VTI1B: variants seen among roughly 807,000 people sequenced by gnomAD.
The protein encoded by VTI1B is vesicle transport through interaction with t-SNAREs homolog 1B.
VTI1B carries 18 observed loss-of-function variants against 28.6 expected under a neutral mutation model. The ratio of observed to expected loss-of-function variants is 0.63; its 90% confidence interval spans 0.43 to 0.93. The LOEUF is 0.93. Among genes scored for constraint, VTI1B ranks in the 40% least tolerant of loss-of-function variants. VTI1B has a pLI of 0.00. For synonymous variants in VTI1B, 100 were observed against 107.9 expected, an observed-to-expected ratio of 0.93 and a Z score of 0.46; for missense variants, 283 against 297.0, an observed-to-expected ratio of 0.95 and a Z score of 0.35.
intron 3 of VTI1B, among the ~76,000 whole-genome samples, chr14:67,658,469 C>T (rs1471144379): frequency 2.0e-5 from 3 of 151,962 alleles, no homozygotes; most frequent in Admixed American, 6.6e-5. Flanking sequence ...TGGTGGTGGG[C>T]GCCTGTAGTC....
chr14:67,674,494 C>T lies in VTI1B; in HGVS notation c.-5G>A. Reference sequence around the variant, plus strand: ...GGAGGCGGCGGAGGAGGCCATGGCGCAGGCCGCGCTGGAGCAGCGGCCACC... The same window carrying T: ...GGAGGCGGCGGAGGAGGCCATGGCGTAGGCCGCGCTGGAGCAGCGGCCACC... On this transcript the variant is annotated 5_prime_UTR_variant, in exon 1 of 6. Transcript: ENST00000554659. 1.3e-6 allele frequency: 2 copies of T among 1,598,174 alleles called. No individual in the cohort carries two copies. The highest frequency in any genetic ancestry group is 1.1e-5 in the South Asian group (1 of 89,294).
Position 67,655,008 on chromosome 14 carries a change from GAC to G in VTI1B, c.540+1406_540+1407del, listed in dbSNP as rs2037236043. The stretch of plus-strand genomic sequence containing the variant: ...TGCGCCACTGCACTCCAGCCTGGGC[GAC>G]AGAGCAAGACTCCATCTCAAAAAAA... On this transcript the variant is annotated intron_variant, in intron 4 of 5. Transcript: ENST00000554659. Among the ~76,000 whole-genome samples the G allele has an allele frequency of 7.1e-5, 8 of 112,410 alleles. No individual in the cohort carries two copies. In the South Asian group the frequency reaches 1.8e-3, roughly 25 times the overall value. 73.7% of individuals were successfully genotyped at this position (112,410 alleles called of 152,430 possible). A position where few individuals can be genotyped will look rare whatever the true frequency, so the allele number is the denominator to read the frequency against.
intron 1 of VTI1B, among the ~76,000 whole-genome samples, chr14:67,670,212 C>T (rs2037449796): frequency 6.6e-6 from 1 of 152,228 alleles, no homozygotes. Flanking sequence ...TGCCCTCCTT[C>T]TAAAAGAAAA....
Position 67,651,133 on chromosome 14 carries a change from T to C in VTI1B, c.*252A>G. 1 of 903,640 alleles carries C rather than the reference T, an allele frequency of 1.1e-6. No homozygotes were observed. Among genetic ancestry groups the C allele is most frequent in the African/African-American group, 1.7e-5 (1 of 59,658 alleles). 56.0% of individuals were successfully genotyped at this position (903,640 alleles called of 1,614,324 possible). A position where few individuals can be genotyped will look rare whatever the true frequency, so the allele number is the denominator to read the frequency against. Reference sequence around the variant, plus strand: ...TGCAGTTCACAGGGTATTAATATGCTACAGTACTATGTAAATTTAAAGAAG... The same window carrying C: ...TGCAGTTCACAGGGTATTAATATGCCACAGTACTATGTAAATTTAAAGAAG... On this transcript the variant is annotated 3_prime_UTR_variant, in exon 6 of 6. Transcript: ENST00000554659.
chr14:67,661,087 C>G (rs1018325680), intron 2 of VTI1B, among the ~76,000 whole-genome samples: 2 of 152,004 alleles, frequency 1.3e-5, no homozygotes, highest in African/African-American at 4.8e-5. Context: ...TGATCTTCAA[C>G]AAGCAAGAAG....
chr14:67,650,638 C>T lies in VTI1B; in HGVS notation c.*747G>A. 7.3e-7 allele frequency: 1 copy of T among 1,371,466 alleles called. No homozygotes were observed. The highest frequency in any genetic ancestry group is 1.0e-6 in the Non-Finnish European group (1 of 962,682). The allele number at this position is 1,371,466 out of a possible 1,614,324, so 85.0% of individuals were successfully genotyped here. A position where few individuals can be genotyped will look rare whatever the true frequency, so the allele number is the denominator to read the frequency against. The stretch of plus-strand genomic sequence containing the variant: ...TCTTGTTTTTACTTTGGCTTGTTCT[C>T]CCTGTCCCAGTGGGATGACCCTCAC... On this transcript the variant is annotated 3_prime_UTR_variant, in exon 6 of 6. Transcript: ENST00000554659.
At chr14:67,655,321 T>G (rs1227549781) in intron 4 of VTI1B, among the ~76,000 whole-genome samples, 1 of 152,130 alleles carries the variant, frequency 6.6e-6, no homozygotes, top group Non-Finnish European at 1.5e-5. Flanking sequence ...AGCAAGACCC[T>G]GTCTCTAAAA....
intron 1 of VTI1B, among the ~76,000 whole-genome samples, chr14:67,666,827 T>C (rs143024710): frequency 8.7e-4 from 132 of 152,310 alleles, no homozygotes; most frequent in Non-Finnish European, 9.7e-4. Context: ...GGCTTTTCTG[T>C]ATATTAAACA....
Position 67,674,579 on chromosome 14 carries a change from A to G in VTI1B, c.-90T>C, listed in dbSNP as rs964094738. ...CGGTCAGCCGCCCAGCCCAGTGGCC[A>G]TAACGGCGACCGCCGCACCACCGCC... On this transcript the variant is annotated 5_prime_UTR_variant, in exon 1 of 6. It removes an upstream start codon present in the reference 5' UTR. Transcript: ENST00000554659. 8 of 1,124,132 alleles carry G rather than the reference A, an allele frequency of 7.1e-6. No individual in the cohort carries two copies. The highest frequency in any genetic ancestry group is 9.5e-6 in the Non-Finnish European group (8 of 844,480). 69.6% of individuals were successfully genotyped at this position (1,124,132 alleles called of 1,614,324 possible).
chr14:67,662,813 G>A (rs74408008), intron 1 of VTI1B, among the ~76,000 whole-genome samples: 12,703 of 147,760 alleles, frequency 0.086, 732 homozygotes, highest in East Asian at 0.24. Context: ...CAGAGGTAGA[G>A]AAATGCTTGA....
At position 67,651,470 on chromosome 14, in the gene VTI1B, T is replaced by C; in HGVS notation, c.614A>G (p.Asn205Ser). ...GATGATAATGGAAAGCAGCAGCTTG[T>C]TGGTTGTCACTCTACAAAGAGAAGC... ...LRSMSRKVTT[N>S]KLLLSIIILL... Residue 205 changes from asparagine to serine, a missense_variant, in exon 6 of 6, where the codon AAC (asparagine) becomes AGC (serine). By Grantham distance (46) the Asn-to-Ser change is conservative. Coordinates refer to ENST00000554659, the MANE Select transcript of VTI1B (RefSeq NM_006370.3). 1.2e-6 allele frequency: 2 copies of C among 1,613,808 alleles called. No homozygotes were observed. The highest frequency in any genetic ancestry group is 1.7e-6 in the Non-Finnish European group (2 of 1,179,732).
At chr14:67,652,973 G>A (rs1440293247) in intron 5 of VTI1B, among the ~76,000 whole-genome samples, 1 of 152,040 alleles carries the variant, frequency 6.6e-6, no homozygotes, top group Admixed American at 6.6e-5. Context: ...TGTATTTTTA[G>A]TAGAGACGGG....
At chr14:67,671,669 A>G (rs1461559208) in intron 1 of VTI1B, among the ~76,000 whole-genome samples, 5 of 152,252 alleles carry the variant, frequency 3.3e-5, no homozygotes. Flanking sequence ...AGAATAGCTG[A>G]GTCTGGGTAA....
chr14:67,648,326 C>T lies in VTI1B; in HGVS notation c.*3059G>A. 2 of 888,386 alleles carry T rather than the reference C, an allele frequency of 2.3e-6. No homozygotes were observed. The highest frequency in any genetic ancestry group is 3.3e-6 in the Non-Finnish European group (2 of 609,994). 55.0% of individuals were successfully genotyped at this position (888,386 alleles called of 1,614,324 possible). ...ACTTTTGTAGCTAAAAATTATATGG[C>T]CATGCTAATAAAAAGGATATAGTCC... On this transcript the variant is annotated 3_prime_UTR_variant, in exon 6 of 6. Transcript: ENST00000554659.
At chr14:67,673,306 TGCACTCCA>T (rs753681613) in intron 1 of VTI1B, among the ~76,000 whole-genome samples, 3 of 151,978 alleles carry the variant, frequency 2.0e-5, no homozygotes, top group Non-Finnish European at 4.4e-5. Flanking sequence ...ATCGTGCCAC[TGCACTCCA>T]GCCTGGGTGA....
At position 67,650,571 on chromosome 14, in the gene VTI1B, A is replaced by C; in HGVS notation, c.*814T>G. ...TTCATGGCCAAGAGGATGAGGTGCA[A>C]GGGGCTTCCTAAAAATAGGTATTTT... On this transcript the variant is annotated 3_prime_UTR_variant, in exon 6 of 6. Transcript: ENST00000554659. 2 of 681,818 alleles carry C rather than the reference A, an allele frequency of 2.9e-6. No individual in the cohort carries two copies. Among genetic ancestry groups the C allele is most frequent in the Non-Finnish European group, 5.1e-6 (2 of 390,270 alleles). The allele number at this position is 681,818 out of a possible 1,614,324, so 42.2% of individuals were successfully genotyped here.
In VTI1B at chr14:67,659,905, C is replaced by T; in HGVS notation, c.192G>A (p.Glu64=). Residue 64 remains glutamate (E), a synonymous_variant, in exon 3 of 6, where the codon GAG becomes GAA. Coordinates refer to ENST00000554659, the MANE Select transcript of VTI1B (RefSeq NM_006370.3). The stretch of plus-strand genomic sequence containing the variant: ...AAGACAGGGGTGCATAACGTAGCTC[C>T]TCCTCCATCTCTGCCAGCTGGGAAG... ...EANETLAEME[E]ELRYAPLSFR... is the part of the protein sequence containing the mutation. 1 of 1,613,376 alleles carries T rather than the reference C, an allele frequency of 6.2e-7. No homozygotes were observed. The highest frequency in any genetic ancestry group is 8.5e-7 in the Non-Finnish European group (1 of 1,179,614).
intron 4 of VTI1B, among the ~76,000 whole-genome samples, 182 bp downstream of exon 4, chr14:67,656,234 A>G (rs557814803): frequency 2.1e-4 from 32 of 149,494 alleles, no homozygotes; most frequent in African/African-American, 7.6e-4. Flanking sequence ...TGACACAGTG[A>G]GACTCTATCT....
chr14:67,664,946 A>G (rs574544481), intron 1 of VTI1B, among the ~76,000 whole-genome samples: 4 of 152,156 alleles, frequency 2.6e-5, no homozygotes, highest in Non-Finnish European at 5.9e-5. Flanking sequence ...AGCTCACTGC[A>G]AACTCCAACT....
Sources: allele counts gnomAD v4.1 joint callset (sites outside exome capture counted in the v4.1 genomes callset), GRCh38; gene constraint gnomAD v4.1.1; transcripts MANE v1.5; gene names NCBI Gene and HGNC (gene_info 2026-07-23, HGNC 2026-07-21).